Variants in CPD observed in about 807,000 individuals in gnomAD.
The protein encoded by CPD is metallocarboxypeptidase D.
A neutral mutation model predicts 138.3 loss-of-function variants in CPD; 69 were observed. The observed-to-expected ratio is 0.50, with a 90% CI of 0.41 to 0.61. The LOEUF (loss-of-function observed/expected upper bound fraction) is 0.61, where lower values mean the gene tolerates loss of function less well. Among genes scored for constraint, CPD ranks in the 20% least tolerant of loss-of-function variants. CPD has a pLI of 0.00. For synonymous variants in CPD, 651 were observed against 642.1 expected (o/e 1.01, Z -0.21); for missense variants, 1,432 against 1,733.3 (o/e 0.83, Z 3.09).
chr17:30,384,926 T>A, intron 1 of CPD, 63 bp from the exon 2 acceptor site: 4 of 1,550,684 alleles, frequency 2.6e-6, no homozygotes, highest in Non-Finnish European at 3.5e-6. Context: ...TTGTGGAATT[T>A]TTTTAATGCA....
chr17:30,423,538 C>T lies in CPD; in HGVS notation c.1690C>T (p.His564Tyr). 1 of 1,590,702 alleles carries T rather than the reference C, an allele frequency of 6.3e-7. No individual in the cohort carries two copies. The highest frequency in any genetic ancestry group is 8.5e-7 in the Non-Finnish European group (1 of 1,170,794). The change falls in exon 6 of 21, where the codon CAT (histidine) becomes TAT (tyrosine). Residue 564 changes from histidine (H) to tyrosine (Y), a missense_variant. His to Tyr is a moderately conservative substitution (Grantham distance 83). Transcript: ENST00000225719. ...EPEFKYIGNM[H>Y]GNEVVGRELL... ...AGAATTTAAGTACATTGGAAATATGCATGGAAATGAAGTGGTTGGAAGAGA... is the reference window on the plus strand; with the variant it reads ...AGAATTTAAGTACATTGGAAATATGTATGGAAATGAAGTGGTTGGAAGAGA...
At chr17:30,404,902 C>G (rs1199610505) in intron 2 of CPD, among the ~76,000 whole-genome samples, 1 of 152,034 alleles carries the variant, frequency 6.6e-6, no homozygotes, top group East Asian at 1.9e-4. Flanking sequence ...TGTTGTCATA[C>G]TTAGAAGGGC....
chr17:30,395,678 C>CT (rs1291103606), intron 2 of CPD, among the ~76,000 whole-genome samples: 1 of 149,618 alleles, frequency 6.7e-6, no homozygotes, highest in Non-Finnish European at 1.5e-5. Flanking sequence ...TTTTCTTTTC[C>CT]TTTTTTCCTG....
At chr17:30,413,265 A>G (rs918815154) in intron 2 of CPD, among the ~76,000 whole-genome samples, 1 of 152,228 alleles carries the variant, frequency 6.6e-6, no homozygotes, top group Admixed American at 6.5e-5. Flanking sequence ...GTTACCAAAG[A>G]TGATTATAGG....
rs1416747570 is a variant in CPD, at chr17:30,378,935, C to G, written c.-46C>G. On this transcript the variant is annotated 5_prime_UTR_variant, in exon 1 of 21. Transcript: ENST00000225719. ...TCCGGCGGGCCCCCGCCGCCCGGAG[C>G]GCTGAGCCGCGGGAGCGGAGCCGGG... 1 of 1,412,064 alleles carries G rather than the reference C, an allele frequency of 7.1e-7. No homozygotes were observed. The highest frequency in any genetic ancestry group is 1.5e-5 in the African/African-American group (1 of 65,768). 87.5% of individuals were successfully genotyped at this position (1,412,064 alleles called of 1,614,324 possible). A position where few individuals can be genotyped will look rare whatever the true frequency, so the allele number is the denominator to read the frequency against.
At chr17:30,421,433 G>C (rs1912263661) in intron 3 of CPD, among the ~76,000 whole-genome samples, 1 of 152,144 alleles carries the variant, frequency 6.6e-6, no homozygotes, top group African/African-American at 2.4e-5. Flanking sequence ...GCTTTGAGGA[G>C]AGGGAATTTT....
Position 30,385,026 on chromosome 17 carries a change from G to A in CPD, c.784G>A (p.Val262Ile). Residue 262 changes from valine to isoleucine, a missense_variant, in exon 2 of 21, where the codon GTA (valine) becomes ATA (isoleucine). By Grantham distance (29) the Val-to-Ile change is conservative (BLOSUM62 3). Transcript: ENST00000225719. ...LSGNLHGGSV[V>I]ASYPFDDSPE... is the part of the protein sequence containing the mutation. ...TGGAAATCTGCATGGTGGCTCAGTG[G>A]TAGCAAGCTATCCTTTTGATGATTC... 1 of 1,614,026 alleles carries A rather than the reference G, an allele frequency of 6.2e-7. No individual in the cohort carries two copies. Among genetic ancestry groups the A allele is most frequent in the South Asian group, 1.1e-5 (1 of 91,082 alleles).
chr17:30,439,092 A>G lies in CPD; in HGVS notation c.2230+15A>G. On this transcript the variant is annotated intron_variant, in intron 9 of 20. Transcript: ENST00000225719. Reference sequence around the variant, plus strand: ...TAATGTGCCAGGTAAAGATTCTTTTATATCAAGGCCTTACAACTTGATGGC... The same window carrying G: ...TAATGTGCCAGGTAAAGATTCTTTTGTATCAAGGCCTTACAACTTGATGGC... The G allele has an allele frequency of 6.7e-7, 1 of 1,483,092 alleles. No individual in the cohort carries two copies. Among genetic ancestry groups the G allele is most frequent in the Non-Finnish European group, 9.2e-7 (1 of 1,084,776 alleles). The allele number at this position is 1,483,092 out of a possible 1,614,324, so 91.9% of individuals were successfully genotyped here.
At chr17:30,386,443 A>T (rs2143306876) in intron 2 of CPD, among the ~76,000 whole-genome samples, 1 of 151,906 alleles carries the variant, frequency 6.6e-6, no homozygotes, top group Non-Finnish European at 1.5e-5. Context: ...ATATATATAT[A>T]CATAACATGA....
Position 30,455,361 on chromosome 17 carries a change from C to G in CPD, c.3228C>G (p.Thr1076=), listed in dbSNP as rs746238816. Residue 1076 remains threonine, a synonymous_variant, in exon 15 of 21, where the codon ACC becomes ACG. Coordinates refer to ENST00000225719, the MANE Select transcript of CPD (RefSeq NM_001304.5). ...TAGATAATGCCTCCCAACCTGAGAC[C>G]AAAGCCATCATTGAAAATTTGATTC... ...DFTNNASQPE[T]KAIIENLIQK... The G allele has an allele frequency of 2.5e-6, 4 of 1,612,746 alleles. No homozygotes were observed. The Admixed American group carries it at 6.7e-5, about 27-fold the overall frequency.
At chr17:30,431,206 A>T (rs1224555933) in intron 7 of CPD, among the ~76,000 whole-genome samples, 1 of 152,214 alleles carries the variant, frequency 6.6e-6, no homozygotes, top group Admixed American at 6.5e-5. Context: ...GTGCATTTCC[A>T]CAATAACTAA....
intron 6 of CPD, among the ~76,000 whole-genome samples, 173 bp downstream of exon 6, chr17:30,423,870 A>G (rs1567875231): frequency 1.3e-5 from 2 of 152,118 alleles, no homozygotes; most frequent in South Asian, 2.1e-4. Flanking sequence ...CTGTTCAACA[A>G]TTAGGTGATC....
intron 12 of CPD, 55 bp from the exon 13 acceptor site, chr17:30,449,498 A>G (rs990337880): frequency 1.4e-6 from 2 of 1,447,908 alleles, no homozygotes; most frequent in Non-Finnish European, 1.9e-6. Context: ...CCATAAGTCA[A>G]CATTAACATA....
At chr17:30,426,545 G>C (rs993971297) in intron 6 of CPD, among the ~76,000 whole-genome samples, 1 of 152,246 alleles carries the variant, frequency 6.6e-6, no homozygotes, top group Non-Finnish European at 1.5e-5. Flanking sequence ...GGTGACGTCA[G>C]CTGGTTGTCA....
At chr17:30,401,889 G>T (rs1203887570) in intron 2 of CPD, among the ~76,000 whole-genome samples, 2 of 149,278 alleles carry the variant, frequency 1.3e-5, no homozygotes, top group Non-Finnish European at 3.0e-5. Flanking sequence ...TTCTTGAAAT[G>T]TAAGTTTTTG....
At position 30,464,871 on chromosome 17, in the gene CPD, T is replaced by A; in HGVS notation, c.*57T>A. The A allele has an allele frequency of 7.4e-7, 1 of 1,350,292 alleles. No homozygotes were observed. Among genetic ancestry groups the A allele is most frequent in the South Asian group, 1.2e-5 (1 of 85,136 alleles). 83.6% of individuals were successfully genotyped at this position (1,350,292 alleles called of 1,614,324 possible). ...TACCAAGCAAAATTACAGTTCCTCTTGGGAGAACACTGCATTAAGAAGAGA... is the reference window on the plus strand; with the variant it reads ...TACCAAGCAAAATTACAGTTCCTCTAGGGAGAACACTGCATTAAGAAGAGA... On this transcript the variant is annotated 3_prime_UTR_variant, in exon 21 of 21. Coordinates refer to ENST00000225719, the MANE Select transcript of CPD (RefSeq NM_001304.5).
chr17:30,445,719 G>C lies in CPD; in HGVS notation c.2572G>C (p.Val858Leu). ...GYNPVTKNVT[V>L]KSEGAIQVNF... ...TAATCCAGTTACCAAGAATGTGACT[G>C]TCAAGAGTGAAGGCGCTATTCAGGT... The change falls in exon 12 of 21, where the codon GTC (valine) becomes CTC (leucine). Residue 858 changes from valine (V) to leucine (L), a missense_variant. By Grantham distance (32) the Val-to-Leu change is conservative (BLOSUM62 1). This residue lies in a region of CPD where 124 missense variants were observed against 117.0 expected (regional missense o/e 1.06). Coordinates refer to ENST00000225719, the MANE Select transcript of CPD (RefSeq NM_001304.5). 6.2e-7 allele frequency: 1 copy of C among 1,610,872 alleles called. No individual in the cohort carries two copies. Among genetic ancestry groups the C allele is most frequent in the Non-Finnish European group, 8.5e-7 (1 of 1,178,368 alleles).
intron 8 of CPD, among the ~76,000 whole-genome samples, chr17:30,435,987 A>G (rs1382368953): frequency 2.6e-5 from 4 of 152,172 alleles, no homozygotes; most frequent in East Asian, 3.8e-4. Flanking sequence ...GGACACCGTC[A>G]TATTGGATTA....
intron 2 of CPD, among the ~76,000 whole-genome samples, chr17:30,411,011 A>G (rs1426827695): frequency 6.6e-6 from 1 of 152,036 alleles, no homozygotes; most frequent in East Asian, 1.9e-4. Flanking sequence ...GCTCTTTTCA[A>G]TGTTTAGTGC....
Sources: gnomAD v4.1 joint callset for allele counts (sites outside exome capture counted in the v4.1 genomes callset) on GRCh38, gnomAD v4.1.1 for gene constraint, gnomAD v4.1.1 regional missense constraint, MANE v1.5 for transcripts, NCBI Gene and HGNC (gene_info 2026-07-23, HGNC 2026-07-21) for gene names.